The following KIAA1549 variants were observed in gnomAD, a reference collection of about 807,000 sequenced individuals.
KIAA1549 encodes the protein UPF0606 protein KIAA1549.
KIAA1549 carries 70 observed loss-of-function variants against 156.4 expected under a neutral mutation model. The observed-to-expected ratio is 0.45, with a 90% CI of 0.37 to 0.55. KIAA1549 has a LOEUF of 0.55. KIAA1549 is among the 20% of genes least tolerant of loss of function. The pLI is 0.00. For missense variants in KIAA1549, 2,428 were observed against 2,540.9 expected, an observed-to-expected ratio of 0.96 and a Z score of 0.96; for synonymous variants, 1,103 against 1,066.4, an observed-to-expected ratio of 1.03 and a Z score of -0.67.
chr7:138,981,228 C>T lies in KIAA1549; in HGVS notation c.42G>A (p.Glu14=), dbSNP rs536040543. 5.8e-3 allele frequency: 5,759 copies of T among 997,314 alleles called. 239 individuals carry two copies. In the African/African-American group the frequency reaches 0.094, roughly 16 times the overall value. 61.8% of individuals were successfully genotyped at this position (997,314 alleles called of 1,614,324 possible). ...GCGCGACCCCGGCGCGGGGCTTCCC[C>T]TCCATGGCCGCGCCTCGGCGTCGGC... ...ARRRRRGAAM[E]GKPRAGVALA... Residue 14 remains glutamate (E), a synonymous_variant, in exon 1 of 20, where the codon GAG becomes GAA. Coordinates refer to ENST00000422774, the MANE Select transcript of KIAA1549 (RefSeq NM_001164665.2). The surrounding 1 kb of genome is among the most constrained non-coding windows in gnomAD (Gnocchi z 4.5).
In KIAA1549 at chr7:138,883,089, T is replaced by TAAAAAAAAAA. The variant is rs1201752539; in HGVS notation, c.4033-1515_4033-1506dup. 1.2e-3 allele frequency among the ~76,000 whole-genome samples: 56 copies of TAAAAAAAAAA among 47,076 alleles called. 23 individuals are homozygous for TAAAAAAAAAA. Among genetic ancestry groups the TAAAAAAAAAA allele is most frequent in the African/African-American group, 4.4e-3 (51 of 11,558 alleles). 30.9% of individuals were successfully genotyped at this position (47,076 alleles called of 152,430 possible). ...CAACATGGTGAAACCCCATCTCCCC[T>TAAAAAAAAAA]AAAAAAAAAAAAAAAAAAAAAAAAA... On this transcript the variant is annotated intron_variant, in intron 10 of 19. Coordinates refer to ENST00000422774, the MANE Select transcript of KIAA1549 (RefSeq NM_001164665.2).
intron 18 of KIAA1549, among the ~76,000 whole-genome samples, chr7:138,842,619 G>T (rs546050176): frequency 6.6e-6 from 1 of 152,110 alleles, no homozygotes; most frequent in Admixed American, 6.5e-5. Context: ...CTTGAACACA[G>T]GAGGCGGAGG....
intron 1 of KIAA1549, among the ~76,000 whole-genome samples, chr7:138,960,742 A>G (rs35288272): frequency 0.51 from 77,303 of 151,888 alleles, 23,019 homozygotes; most frequent in African/African-American, 0.84. Context: ...CTGCGGCCAG[A>G]GAGTAAAACT....
chr7:138,939,996 T>A (rs905571720), intron 1 of KIAA1549, among the ~76,000 whole-genome samples: 1 of 152,134 alleles, frequency 6.6e-6, no homozygotes, highest in African/African-American at 2.4e-5. Context: ...AAAAAATTTT[T>A]TTTTTAATTT....
intron 18 of KIAA1549, among the ~76,000 whole-genome samples, chr7:138,843,080 G>A (rs922652939): frequency 6.6e-6 from 1 of 152,092 alleles, no homozygotes; most frequent in African/African-American, 2.4e-5. Context: ...GAAAATAATA[G>A]TGACAATGGT....
At position 138,903,687 on chromosome 7, in the gene KIAA1549, G is replaced by T. The variant is rs368853660; in HGVS notation, c.3570C>A (p.Ala1190=). ...EKQLQNEVFQ[A]EMERKLAQLL... is the part of the protein sequence containing the mutation. ...GCTGGGCCAGCTTGCGTTCCATCTC[G>T]GCTTGAAACACTTCATTCTGGAGTT... Residue 1190 remains alanine, a synonymous_variant, in exon 8 of 20, where the codon GCC becomes GCA. Coordinates refer to ENST00000422774, the MANE Select transcript of KIAA1549 (RefSeq NM_001164665.2). 3.1e-6 allele frequency: 5 copies of T among 1,608,680 alleles called. No homozygotes were observed. The highest frequency in any genetic ancestry group is 3.4e-6 in the Non-Finnish European group (4 of 1,177,742).
intron 16 of KIAA1549, among the ~76,000 whole-genome samples, chr7:138,856,670 G>A (rs1468614846): frequency 6.6e-6 from 1 of 152,142 alleles, no homozygotes; most frequent in Non-Finnish European, 1.5e-5. Flanking sequence ...TCGGCTTCTT[G>A]CTTTTCCTCT....
rs1393659013 is a variant in KIAA1549, at chr7:138,879,475, G to A, written c.4345+63C>T. ...GGTTTAGCATTTGAAATACTGTAAG[G>A]CCCCAGCCTTTGGACTCTCATAGGG... is the stretch of plus-strand genomic sequence containing the variant. On this transcript the variant is annotated intron_variant, in intron 12 of 19. Transcript: ENST00000422774. The A allele has an allele frequency of 5.4e-6, 5 of 931,484 alleles. No homozygotes were observed. In the African/African-American group the frequency reaches 6.7e-5, roughly 12 times the overall value. The allele number at this position is 931,484 out of a possible 1,614,324, so 57.7% of individuals were successfully genotyped here.
intron 16 of KIAA1549, among the ~76,000 whole-genome samples, chr7:138,855,466 C>T (rs1385253616): frequency 6.6e-6 from 1 of 152,210 alleles, no homozygotes; most frequent in East Asian, 1.9e-4. Context: ...ATGACGGTGG[C>T]TCCAACTGAT....
chr7:138,954,056 CGCTAG>C (rs5887912), intron 1 of KIAA1549, among the ~76,000 whole-genome samples: 63,876 of 151,688 alleles, frequency 0.42, 17,629 homozygotes, highest in African/African-American at 0.8. Flanking sequence ...GCTAGCAAGG[CGCTAG>C]GCTAGTAAGC....
intron 1 of KIAA1549, among the ~76,000 whole-genome samples, chr7:138,941,487 G>A (rs1026639982): frequency 1.4e-4 from 21 of 152,192 alleles, no homozygotes; most frequent in Non-Finnish European, 2.8e-4. Context: ...TGGTTAAACA[G>A]TTTCAAATTC....
chr7:138,949,988 T>G (rs531089907), intron 1 of KIAA1549, among the ~76,000 whole-genome samples: 81 of 152,380 alleles, frequency 5.3e-4, no homozygotes, highest in African/African-American at 1.9e-3. Context: ...ATTTCAGATC[T>G]GCACAGGAAC....
intron 10 of KIAA1549, among the ~76,000 whole-genome samples, 172 bp downstream of exon 10, chr7:138,894,170 G>A (rs944961582): frequency 6.6e-5 from 10 of 152,224 alleles, no homozygotes; most frequent in Admixed American, 5.9e-4. Context: ...ACCACAGAAG[G>A]AGGGTTTCAG....
At chr7:138,906,058 G>A (rs577217793) in intron 6 of KIAA1549, among the ~76,000 whole-genome samples, 1 of 152,254 alleles carries the variant, frequency 6.6e-6, no homozygotes, top group South Asian at 2.1e-4. Flanking sequence ...TGTACTTTTT[G>A]ATAGCACCCC....
chr7:138,897,308 T>G (rs970911386), intron 9 of KIAA1549, among the ~76,000 whole-genome samples: 1 of 152,218 alleles, frequency 6.6e-6, no homozygotes, highest in African/African-American at 2.4e-5. Flanking sequence ...AATGGTTATT[T>G]GCTTAAACCC....
At chr7:138,928,857 A>G (rs1812793962) in intron 1 of KIAA1549, among the ~76,000 whole-genome samples, 1 of 152,254 alleles carries the variant, frequency 6.6e-6, no homozygotes, top group African/African-American at 2.4e-5. Context: ...ATACATATGT[A>G]ACAAACCTGC....
intron 12 of KIAA1549, 41 bp downstream of exon 12, chr7:138,879,497 A>T (rs1338231465): frequency 8.0e-7 from 1 of 1,255,058 alleles, no homozygotes; most frequent in African/African-American, 1.5e-5. Context: ...GGACTCTCAT[A>T]GGGACTACTT....
chr7:138,928,732 G>C (rs889620218), intron 1 of KIAA1549, among the ~76,000 whole-genome samples: 1 of 152,134 alleles, frequency 6.6e-6, no homozygotes, highest in South Asian at 2.1e-4. Flanking sequence ...CCATACTGTA[G>C]TCTATTAAGT....
At chr7:138,879,485 T>C in intron 12 of KIAA1549, 53 bp downstream of exon 12, 2 of 1,084,160 alleles carry the variant, frequency 1.8e-6, no homozygotes, top group Non-Finnish European at 2.7e-6. Context: ...GCCCCAGCCT[T>C]TGGACTCTCA....
Sources: allele counts gnomAD v4.1 joint callset (sites outside exome capture counted in the v4.1 genomes callset), GRCh38; gene constraint gnomAD v4.1.1; non-coding constraint Gnocchi (gnomAD v3.1); transcripts MANE v1.5; gene names NCBI Gene and HGNC (gene_info 2026-07-23, HGNC 2026-07-21).